The following CARS1 variants were observed in gnomAD, a reference collection of about 807,000 sequenced individuals.
The protein encoded by CARS1 is cysteinyl-tRNA synthetase 1, also known as cysteine--tRNA ligase, cytoplasmic.
In CARS1, 48 loss-of-function variants were observed where a neutral mutation model predicts 106.2. The observed-to-expected ratio is 0.45, with a 90% CI of 0.36 to 0.57. The LOEUF (loss-of-function observed/expected upper bound fraction) is 0.57, where lower values mean the gene tolerates loss of function less well. Ranked by LOEUF, CARS1 falls within the 20% of genes least tolerant of loss-of-function variation. The pLI, the probability that CARS1 is intolerant of heterozygous loss-of-function variation, is 0.00. For missense variants in CARS1, 968 were observed against 1,057.2 expected, an observed-to-expected ratio of 0.92 and a Z score of 1.17; for synonymous variants, 409 against 403.4, an observed-to-expected ratio of 1.01 and a Z score of -0.17.
chr11:3,057,358 A>G lies in CARS1; in HGVS notation c.10T>C (p.Ser4Pro). Residue 4 changes from serine to proline, a missense_variant, in exon 1 of 23, where the codon TCC becomes CCC. By Grantham distance (74) the Ser-to-Pro change is moderately conservative. Coordinates refer to ENST00000380525, the MANE Select transcript of CARS1 (RefSeq NM_001014437.3). ...CGCCGCTCACCCTGCTGCCCGGAGG[A>G]ATCTGCCATGGCTGGGAATCCCGGA... MAD[S>P]SGQQAPDYRS... 3.1e-6 allele frequency: 5 copies of G among 1,610,798 alleles called. No homozygotes were observed. Among genetic ancestry groups the G allele is most frequent in the Non-Finnish European group, 4.2e-6 (5 of 1,179,014 alleles).
intron 20 of CARS1, among the ~76,000 whole-genome samples, chr11:3,002,899 C>T (rs1040340517): frequency 7.9e-5 from 12 of 152,192 alleles, no homozygotes; most frequent in Non-Finnish European, 1.3e-4. Flanking sequence ...GCACCACTAA[C>T]ATGAAGAAAT....
At position 3,020,187 on chromosome 11, in the gene CARS1, C is replaced by T; in HGVS notation, c.1266+33G>A. 1 of 1,324,332 alleles carries T rather than the reference C, an allele frequency of 7.6e-7. No individual in the cohort carries two copies. The highest frequency in any genetic ancestry group is 1.1e-6 in the Non-Finnish European group (1 of 915,618). 82.0% of individuals were successfully genotyped at this position (1,324,332 alleles called of 1,614,324 possible). ...GTGTGGCTGGCGCCAGTGCCCCTGT[C>T]CAAGCCCCACACCTTCTAGGCCACT... is the stretch of plus-strand genomic sequence containing the variant. On this transcript the variant is annotated intron_variant, in intron 11 of 22. Coordinates refer to ENST00000380525, the MANE Select transcript of CARS1 (RefSeq NM_001014437.3). The surrounding 1 kb of genome is among the most constrained non-coding windows in gnomAD (Gnocchi z 4.6).
In CARS1 at chr11:3,037,180, T is replaced by C. The variant is rs1853757484; in HGVS notation, c.801+870A>G. Among the ~76,000 whole-genome samples the C allele has an allele frequency of 6.6e-6, 1 of 152,138 alleles. No homozygotes were observed. Among genetic ancestry groups the C allele is most frequent in the Non-Finnish European group, 1.5e-5 (1 of 68,014 alleles). ...ATGTGGGTCGTCCCAGAAGCACAGC[T>C]TGGGTGAAAGCACACTGACGACTAC... On this transcript the variant is annotated intron_variant, in intron 7 of 22. Transcript: ENST00000380525. The surrounding 1 kb of genome is among the most constrained non-coding windows in gnomAD (Gnocchi z 5.9).
In CARS1 at chr11:3,004,358, C is replaced by G. The variant is rs1446254173; in HGVS notation, c.2217+1008G>C. 6.6e-6 allele frequency among the ~76,000 whole-genome samples: 1 copy of G among 152,254 alleles called. No homozygotes were observed. The highest frequency in any genetic ancestry group is 2.4e-5 in the African/African-American group (1 of 41,478). On this transcript the variant is annotated intron_variant, in intron 20 of 22. Transcript: ENST00000380525. The surrounding 1 kb of genome is among the most constrained non-coding windows in gnomAD (Gnocchi z 5.2). The stretch of plus-strand genomic sequence containing the variant: ...CCTCGTGCCTTGGGCCAGTGCAGGG[C>G]TAGGCATAGATGCCTTCCCTGACCT...
In CARS1 at chr11:3,040,713, T is replaced by C; in HGVS notation, c.455+183A>G. On this transcript the variant is annotated intron_variant, in intron 4 of 22. Coordinates refer to ENST00000380525, the MANE Select transcript of CARS1 (RefSeq NM_001014437.3). This position sits in a 1 kb window ranked among gnomAD's most constrained non-coding sequence, Gnocchi z 5.8. ...TCTTTCTGCAGTGAATATAGATTACTTATGGCATTAAAATTTTCATCTTAA... is the reference window on the plus strand; with the variant it reads ...TCTTTCTGCAGTGAATATAGATTACCTATGGCATTAAAATTTTCATCTTAA... 1 of 679,426 alleles carries C rather than the reference T, an allele frequency of 1.5e-6. No homozygotes were observed. The highest frequency in any genetic ancestry group is 2.6e-6 in the Non-Finnish European group (1 of 389,792). The allele number at this position is 679,426 out of a possible 1,614,324, so 42.1% of individuals were successfully genotyped here.
intron 1 of CARS1, among the ~76,000 whole-genome samples, chr11:3,049,583 C>A (rs1412492854): frequency 6.6e-6 from 1 of 152,226 alleles, no homozygotes; most frequent in East Asian, 1.9e-4. Context: ...GCTGAGAGGA[C>A]TGTGGGAAAA....
rs747784026 is a variant in CARS1 at position 3,047,906 on chromosome 11, A to AC, written c.120dup (p.Tyr41ValfsTer20). The stretch of plus-strand genomic sequence containing the variant: ...TCCACGTCTGCCTGGGACAGTGAGT[A>AC]CCCCTGGACATAGCTACGCGTGCTG... On this transcript the variant is annotated frameshift_variant, in exon 2 of 23. Transcript: ENST00000380525. LOFTEE classifies it high-confidence loss of function. 2.3e-5 allele frequency: 37 copies of AC among 1,613,932 alleles called. No individual in the cohort carries two copies. The highest frequency in any genetic ancestry group is 3.1e-5 in the Non-Finnish European group (36 of 1,180,022).
At chr11:3,018,856 G>A (rs888515442) in intron 12 of CARS1, 107 bp from the exon 13 acceptor site, 1 of 1,444,798 alleles carries the variant, frequency 6.9e-7, no homozygotes, top group South Asian at 1.4e-5. Context: ...GGCAGGAGCT[G>A]CGTTTTCCAG....
In CARS1 at chr11:3,012,259, C is replaced by G. The variant is rs143959915; in HGVS notation, c.2004G>C (p.Met668Ile). ...ATTCTGATAACACCTGAAGGTAGGG[C>G]ATGACTGTGGCCTCGAGCTGCGGAA... ...GTSLSLEATV[M>I]PYLQVLSEFR... The change falls in exon 18 of 23, where the codon ATG becomes ATC. Residue 668 changes from methionine (M) to isoleucine (I), a missense_variant. Coordinates refer to ENST00000380525, the MANE Select transcript of CARS1 (RefSeq NM_001014437.3). The G allele has an allele frequency of 1.9e-6, 3 of 1,614,272 alleles. No individual in the cohort carries two copies. Among genetic ancestry groups the G allele is most frequent in the Admixed American group, 3.3e-5 (2 of 60,030 alleles).
intron 1 of CARS1, among the ~76,000 whole-genome samples, chr11:3,051,299 C>A (rs532504346): frequency 1.3e-5 from 2 of 152,364 alleles, no homozygotes; most frequent in East Asian, 3.9e-4. Flanking sequence ...CTGAAGGCGC[C>A]TGGGGGGTGC....
rs1423537013 is a variant in CARS1, at chr11:3,031,984, C to CTCCTTCCT, written c.802-2549_802-2542dup. Among the ~76,000 whole-genome samples, 123 of 34,206 alleles carry CTCCTTCCT rather than the reference C, an allele frequency of 3.6e-3. 34 individuals carry two copies. The highest frequency in any genetic ancestry group is 4.8e-3 in the African/African-American group (48 of 10,058). 22.4% of individuals were successfully genotyped at this position (34,206 alleles called of 152,430 possible). A position where few individuals can be genotyped will look rare whatever the true frequency, so the allele number is the denominator to read the frequency against. Reference sequence around the variant, plus strand: ...ACCAGTGCACTCTGTTCTTTTCTTTCTCCTTCCTTCCTTCCCTCCCTCCCT... The same window carrying CTCCTTCCT: ...ACCAGTGCACTCTGTTCTTTTCTTTCTCCTTCCTTCCTTCCTTCCTTCCCTCCCTCCCT... On this transcript the variant is annotated intron_variant, in intron 7 of 22. Transcript: ENST00000380525.
At position 3,019,409 on chromosome 11, in the gene CARS1, G is replaced by C. The variant is rs988594855; in HGVS notation, c.1267-142C>G. On this transcript the variant is annotated intron_variant, in intron 11 of 22. Coordinates refer to ENST00000380525, the MANE Select transcript of CARS1 (RefSeq NM_001014437.3). This position sits in a 1 kb window ranked among gnomAD's most constrained non-coding sequence, Gnocchi z 6.2. ...TAAATCCCGCACATGAAAAGACTAAGGGAAGGCTGGGCGAGATGGCTCACA... is the reference window on the plus strand; with the variant it reads ...TAAATCCCGCACATGAAAAGACTAACGGAAGGCTGGGCGAGATGGCTCACA... 10 of 950,896 alleles carry C rather than the reference G, an allele frequency of 1.1e-5. No homozygotes were observed. The Admixed American group carries it at 1.8e-4, about 17-fold the overall frequency. 58.9% of individuals were successfully genotyped at this position (950,896 alleles called of 1,614,324 possible). A position where few individuals can be genotyped will look rare whatever the true frequency, so the allele number is the denominator to read the frequency against.
intron 16 of CARS1, 140 bp downstream of exon 16, chr11:3,016,966 A>G (rs1851071805): frequency 1.6e-6 from 1 of 642,030 alleles, no homozygotes; most frequent in Admixed American, 2.9e-5. Flanking sequence ...AGAGGACAGA[A>G]GCATATCTCC....
chr11:3,039,950 A>T lies in CARS1; in HGVS notation c.456-19T>A. 7.5e-7 allele frequency: 1 copy of T among 1,330,928 alleles called. No homozygotes were observed. Among genetic ancestry groups the T allele is most frequent in the Admixed American group, 2.0e-5 (1 of 48,900 alleles). 82.4% of individuals were successfully genotyped at this position (1,330,928 alleles called of 1,614,324 possible). On this transcript the variant is annotated intron_variant, in intron 4 of 22. Coordinates refer to ENST00000380525, the MANE Select transcript of CARS1 (RefSeq NM_001014437.3). The surrounding 1 kb of genome is among the most constrained non-coding windows in gnomAD (Gnocchi z 5.6). ...GTAGGACCTAAAGCAATGAAAAAAC[A>T]AACATTTCCACACCAGACGATATGT... is the stretch of plus-strand genomic sequence containing the variant.
chr11:3,020,161 AGT>A lies in CARS1; in HGVS notation c.1266+57_1266+58del. 1.0e-6 allele frequency: 1 copy of A among 994,126 alleles called. No individual in the cohort carries two copies. The highest frequency in any genetic ancestry group is 1.6e-6 in the Non-Finnish European group (1 of 615,678). The allele number at this position is 994,126 out of a possible 1,614,324, so 61.6% of individuals were successfully genotyped here. A position where few individuals can be genotyped will look rare whatever the true frequency, so the allele number is the denominator to read the frequency against. ...AGCGGCCCTCTGCTGGGGGCCTGAG[AGT>A]GTGGCTGGCGCCAGTGCCCCTGTCC... On this transcript the variant is annotated intron_variant, in intron 11 of 22. Transcript: ENST00000380525. The surrounding 1 kb of genome is among the most constrained non-coding windows in gnomAD (Gnocchi z 4.6).
rs1851204045 is a variant in CARS1, at chr11:3,017,906, T to C, written c.1678A>G (p.Thr560Ala). The change falls in exon 15 of 23, where the codon ACT becomes GCT. Residue 560 changes from threonine to alanine, a missense_variant. Physicochemically the swap from Thr to Ala is moderately conservative, Grantham distance 58. Coordinates refer to ENST00000380525, the MANE Select transcript of CARS1 (RefSeq NM_001014437.3). The surrounding 1 kb of genome is among the most constrained non-coding windows in gnomAD (Gnocchi z 4.9). ...TCTCCCCACTTCTCAAACTGACCAG[T>C]GATGTCAACAGGAGCGCGAAGGATA... is the stretch of plus-strand genomic sequence containing the variant. ...KDILRAPVDI[T>A]GQFEKWGEEE... is the part of the protein sequence containing the mutation. 1 of 1,614,036 alleles carries C rather than the reference T, an allele frequency of 6.2e-7. No homozygotes were observed.
intron 18 of CARS1, 80 bp from the exon 19 acceptor site, chr11:3,007,039 A>C: frequency 3.1e-5 from 37 of 1,210,398 alleles, no homozygotes; most frequent in South Asian, 4.9e-5. Context: ...AGTGCTGGGG[A>C]AGGAGGGGCC....
chr11:3,057,256 A>G lies in CARS1; in HGVS notation c.25+87T>C, dbSNP rs1856309852. On this transcript the variant is annotated intron_variant, in intron 1 of 22. Transcript: ENST00000380525. ...ACCCATGCACCCGGGCCCCTCAGAC[A>G]TAAGGACTCGCTGCCCTTCGAGCCG... The G allele has an allele frequency of 1.0e-5, 12 of 1,201,606 alleles. No individual in the cohort carries two copies. In the South Asian group the frequency reaches 1.4e-4, roughly 14 times the overall value. 74.4% of individuals were successfully genotyped at this position (1,201,606 alleles called of 1,614,324 possible).
At chr11:3,015,747 A>C in intron 17 of CARS1, 34 bp downstream of exon 17, 1 of 1,587,726 alleles carries the variant, frequency 6.3e-7, no homozygotes, top group South Asian at 1.1e-5. Flanking sequence ...GGGAGGGAGC[A>C]GGTGCAGAAG....
Sources: gnomAD v4.1 joint callset for allele counts (sites outside exome capture counted in the v4.1 genomes callset) on GRCh38, gnomAD v4.1.1 for gene constraint, Gnocchi (gnomAD v3.1) non-coding constraint, MANE v1.5 for transcripts, NCBI Gene and HGNC (gene_info 2026-07-23, HGNC 2026-07-21) for gene names.